Variants in GLIS3 observed in about 807,000 individuals in gnomAD.
The protein encoded by GLIS3 is GLIS family zinc finger 3.
Under a neutral mutation model 78.6 loss-of-function variants are expected in GLIS3, and 53 were observed. The ratio of observed to expected loss-of-function variants is 0.67; its 90% confidence interval spans 0.54 to 0.85. GLIS3 has a LOEUF of 0.85. Ranked by LOEUF, GLIS3 falls within the 40% of genes least tolerant of loss-of-function variation. The probability of loss-of-function intolerance (pLI) is 0.00; values close to 1 mark genes in which losing one functional copy is unlikely to be tolerated. For synonymous variants in GLIS3, 684 were observed against 509.9 expected, an observed-to-expected ratio of 1.34 and a Z score of -4.60; for missense variants, 1,703 against 1,231.1, an observed-to-expected ratio of 1.38 and a Z score of -5.74.
the GLIS3 span, among the ~76,000 whole-genome samples, chr9:4,405,660 A>G: frequency 6.6e-6 from 1 of 152,212 alleles, no homozygotes; most frequent in Non-Finnish European, 1.5e-5. Context: ...AAGAACTAAT[A>G]GCAACCCTAC....
intron 7 of GLIS3, among the ~76,000 whole-genome samples, chr9:3,882,339 A>C (rs1313588096): frequency 6.6e-6 from 1 of 152,214 alleles, no homozygotes; most frequent in East Asian, 1.9e-4. Flanking sequence ...TAATTTGCTC[A>C]CACTTTGAGG....
chr9:4,474,843 C>T, the GLIS3 span, among the ~76,000 whole-genome samples: 1 of 151,362 alleles, frequency 6.6e-6, no homozygotes, highest in African/African-American at 2.4e-5. Context: ...ACTACATGCA[C>T]CTGCCACCAC....
the GLIS3 span, among the ~76,000 whole-genome samples, chr9:4,450,741 C>A: frequency 3.9e-5 from 6 of 152,114 alleles, no homozygotes; most frequent in Non-Finnish European, 5.9e-5. Flanking sequence ...TCATATCCAG[C>A]CAAACTAAGC....
chr9:4,360,332 T>A, the GLIS3 span, among the ~76,000 whole-genome samples: 363 of 152,280 alleles, frequency 2.4e-3, 2 homozygotes, highest in African/African-American at 8.4e-3. Context: ...GAGAAAAACA[T>A]GATCCATCTC....
chr9:4,196,387 A>T (rs991558094), intron 2 of GLIS3, among the ~76,000 whole-genome samples: 1 of 152,236 alleles, frequency 6.6e-6, no homozygotes, highest in Admixed American at 6.5e-5. Flanking sequence ...CAGCAGTGGC[A>T]ACCGGCTCAG....
chr9:4,132,506 C>T (rs1487562514), intron 2 of GLIS3, among the ~76,000 whole-genome samples: 2 of 152,062 alleles, frequency 1.3e-5, no homozygotes, highest in African/African-American at 2.4e-5. Flanking sequence ...ACAGGGGGAA[C>T]AAGAATGAAA....
At position 3,828,356 on chromosome 9, in the gene GLIS3, G is replaced by A. The variant is rs137946889; in HGVS notation, c.2709C>T (p.Ser903=). 1.0e-4 allele frequency: 167 copies of A among 1,613,806 alleles called. No individual in the cohort carries two copies. The African/African-American group carries it at 1.5e-3, about 14-fold the overall frequency. Residue 903 remains serine, a synonymous_variant, in exon 11 of 11, where the codon AGC becomes AGT. Coordinates refer to ENST00000381971, the MANE Select transcript of GLIS3 (RefSeq NM_001042413.2). ...GCAAGAAGGTAGCATCTTCAGCCCCGCTGCGGAGAGACTCCCCAAAGAGGC... is the reference window on the plus strand; with the variant it reads ...GCAAGAAGGTAGCATCTTCAGCCCCACTGCGGAGAGACTCCCCAAAGAGGC... ...SSSLFGESLR[S]GAEDATFLQI...
intron 2 of GLIS3, among the ~76,000 whole-genome samples, chr9:4,231,423 T>C (rs182110997): frequency 1.3e-5 from 2 of 152,240 alleles, no homozygotes; most frequent in East Asian, 3.9e-4. Flanking sequence ...CCAGCTCCAA[T>C]ATATATCTAA....
intron 4 of GLIS3, among the ~76,000 whole-genome samples, chr9:4,063,451 A>G (rs1826824286): frequency 6.6e-6 from 1 of 152,142 alleles, no homozygotes; most frequent in East Asian, 1.9e-4. Flanking sequence ...AACATCTGAA[A>G]AATCTATTCA....
At chr9:4,414,204 G>A in the GLIS3 span, among the ~76,000 whole-genome samples, 1 of 152,104 alleles carries the variant, frequency 6.6e-6, no homozygotes, top group Non-Finnish European at 1.5e-5. Flanking sequence ...CAAGCACTGG[G>A]TCAGCCCAGT....
At chr9:4,284,604 A>C (rs974192185) in intron 2 of GLIS3, among the ~76,000 whole-genome samples, 2 of 152,090 alleles carry the variant, frequency 1.3e-5, no homozygotes, top group South Asian at 4.1e-4. Flanking sequence ...AAAAAAAAGA[A>C]GAAGAAGAAA....
chr9:4,240,415 G>C (rs902839931), intron 2 of GLIS3, among the ~76,000 whole-genome samples: 3 of 152,084 alleles, frequency 2.0e-5, no homozygotes, highest in African/African-American at 7.2e-5. Flanking sequence ...GTGGGACCCA[G>C]TTCCTAACAG....
chr9:4,309,752 T>A (rs2130521438), intron 3 of GLIS3, among the ~76,000 whole-genome samples: 1 of 151,672 alleles, frequency 6.6e-6, no homozygotes. Flanking sequence ...GTTGGCCTAT[T>A]TTTTTTTTCT....
At chr9:4,339,086 T>TA (rs1201263828) in intron 2 of GLIS3, among the ~76,000 whole-genome samples, 1 of 152,208 alleles carries the variant, frequency 6.6e-6, no homozygotes, top group Non-Finnish European at 1.5e-5. Flanking sequence ...AGACTGTCCA[T>TA]ACAACACTAC....
chr9:4,269,401 T>A (rs1249718245), intron 2 of GLIS3, among the ~76,000 whole-genome samples: 1 of 152,352 alleles, frequency 6.6e-6, no homozygotes, highest in East Asian at 1.9e-4. Flanking sequence ...AGGCTACACT[T>A]ATACTGCCAG....
At chr9:4,067,749 G>A (rs1827221766) in intron 4 of GLIS3, among the ~76,000 whole-genome samples, 1 of 150,784 alleles carries the variant, frequency 6.6e-6, no homozygotes. Context: ...GATTATAGGA[G>A]AGAAAACAAA....
chr9:3,870,235 G>C (rs1423890564), intron 8 of GLIS3, among the ~76,000 whole-genome samples: 1 of 152,114 alleles, frequency 6.6e-6, no homozygotes, highest in South Asian at 2.1e-4. Flanking sequence ...TTTTCAAATT[G>C]TAATCATATC....
chr9:4,140,802 CT>C (rs34672153), intron 2 of GLIS3, among the ~76,000 whole-genome samples: 4 of 148,628 alleles, frequency 2.7e-5, no homozygotes, highest in Non-Finnish European at 3.0e-5. Flanking sequence ...TTGAATTTAT[CT>C]TTTTTTTTTT....
chr9:4,381,636 G>C, the GLIS3 span, among the ~76,000 whole-genome samples: 2 of 140,126 alleles, frequency 1.4e-5, no homozygotes, highest in African/African-American at 6.6e-5. Flanking sequence ...TTGTCTTCCT[G>C]AAGGAAGTAC....
Sources: allele counts gnomAD v4.1 joint callset (sites outside exome capture counted in the v4.1 genomes callset), GRCh38; gene constraint gnomAD v4.1.1; transcripts MANE v1.5; gene names NCBI Gene and HGNC (gene_info 2026-07-23, HGNC 2026-07-21).